Variants in GPHN observed in about 807,000 individuals in gnomAD.
GPHN encodes gephyrin.
Under a neutral mutation model 95.5 loss-of-function variants are expected in GPHN, and 17 were observed. The ratio of observed to expected loss-of-function variants is 0.18; its 90% CI spans 0.12 to 0.27. The LOEUF (loss-of-function observed/expected upper bound fraction) is 0.27, where lower values mean the gene tolerates loss of function less well. GPHN is among the 10% of genes least tolerant of loss of function. The probability of loss-of-function intolerance (pLI) is 1.00; values close to 1 mark genes in which losing one functional copy is unlikely to be tolerated. For missense variants in GPHN, 660 were observed against 978.1 expected (o/e 0.67, Z 4.34); for synonymous variants, 320 against 322.5 (o/e 0.99, Z 0.08).
chr14:67,032,638 T>G (rs2074244164), intron 10 of GPHN, among the ~76,000 whole-genome samples: 1 of 152,124 alleles, frequency 6.6e-6, no homozygotes, highest in Non-Finnish European at 1.5e-5. Context: ...AGCAAGAGAT[T>G]GCAAGCTCCT....
intron 1 of GPHN, among the ~76,000 whole-genome samples, chr14:66,616,603 C>T (rs1489628859): frequency 6.6e-6 from 1 of 152,126 alleles, no homozygotes; most frequent in Non-Finnish European, 1.5e-5. Context: ...CTTCTGGGAT[C>T]TCTGACCTTG....
intron 1 of GPHN, among the ~76,000 whole-genome samples, chr14:66,538,163 T>A (rs1371664381): frequency 6.6e-6 from 1 of 152,178 alleles, no homozygotes; most frequent in Non-Finnish European, 1.5e-5. Context: ...ACTTCAGATA[T>A]GTAATTCCTT....
In GPHN at chr14:67,181,061, G is replaced by C. The variant is rs1204760372; in HGVS notation, c.*124G>C. 3 of 810,902 alleles carry C rather than the reference G, an allele frequency of 3.7e-6. No homozygotes were observed. Among genetic ancestry groups the C allele is most frequent in the South Asian group, 1.5e-5 (1 of 65,422 alleles). The allele number at this position is 810,902 out of a possible 1,614,324, so 50.2% of individuals were successfully genotyped here. A position where few individuals can be genotyped will look rare whatever the true frequency, so the allele number is the denominator to read the frequency against. ...AGTTGATCTGTATAGTCAACATCTT[G>C]AACTATATTTCAAATGAATTTAAAT... On this transcript the variant is annotated 3_prime_UTR_variant, in exon 23 of 23. Transcript: ENST00000478722.
At chr14:67,570,073 C>A in the GPHN span, 1 of 1,150,714 alleles carries the variant, frequency 8.7e-7, no homozygotes, top group Non-Finnish European at 1.3e-6. Context: ...GCCTCATCAT[C>A]CAATGACTGG....
chr14:66,923,081 C>A lies in GPHN; in HGVS notation c.729+143C>A, dbSNP rs569748434. 3 of 722,674 alleles carry A rather than the reference C, an allele frequency of 4.2e-6. No homozygotes were observed. In the South Asian group the frequency reaches 4.5e-5, roughly 11 times the overall value. The allele number at this position is 722,674 out of a possible 1,614,324, so 44.8% of individuals were successfully genotyped here. A position where few individuals can be genotyped will look rare whatever the true frequency, so the allele number is the denominator to read the frequency against. The stretch of plus-strand genomic sequence containing the variant: ...AAATAAGTGGGATGTCCATGACACT[C>A]CACTACTATGTTTCCTTCTTGATAT... On this transcript the variant is annotated intron_variant, in intron 7 of 22. Transcript: ENST00000478722.
chr14:66,681,576 A>G (rs182674674), intron 2 of GPHN, among the ~76,000 whole-genome samples: 1 of 152,078 alleles, frequency 6.6e-6, no homozygotes, highest in African/African-American at 2.4e-5. Flanking sequence ...AATATAAAGT[A>G]GTTATTTGTT....
chr14:67,155,640 A>T (rs776663509), intron 18 of GPHN, among the ~76,000 whole-genome samples: 1 of 152,154 alleles, frequency 6.6e-6, no homozygotes, highest in Admixed American at 6.5e-5. Flanking sequence ...GACAAATGGG[A>T]TGTGGTGAAA....
At position 66,817,088 on chromosome 14, in the gene GPHN, C is replaced by T. The variant is rs573535678; in HGVS notation, c.202-7386C>T. ...CGAAAGTTTTCTTAAAAAGGGTATA[C>T]GATCTCTAATAACACCATAATATAC... On this transcript the variant is annotated intron_variant, in intron 3 of 22. Coordinates refer to ENST00000478722, the MANE Select transcript of GPHN (RefSeq NM_020806.5). Among the ~76,000 whole-genome samples the T allele has an allele frequency of 2.2e-4, 33 of 152,066 alleles. No homozygotes were observed. In the South Asian group the frequency reaches 2.7e-3, roughly 12 times the overall value.
At chr14:67,407,822 T>C in the GPHN span, among the ~76,000 whole-genome samples, 1 of 152,030 alleles carries the variant, frequency 6.6e-6, no homozygotes, top group Non-Finnish European at 1.5e-5. Flanking sequence ...AAAGCAGAGA[T>C]GCCAGCTGGG....
the GPHN span, among the ~76,000 whole-genome samples, chr14:67,257,063 G>C: frequency 1.3e-5 from 2 of 152,142 alleles, no homozygotes; most frequent in African/African-American, 4.8e-5. Context: ...TATGTACGTT[G>C]GTTTGATCCG....
At chr14:66,908,527 A>G (rs771501127) in intron 5 of GPHN, among the ~76,000 whole-genome samples, 1 of 152,142 alleles carries the variant, frequency 6.6e-6, no homozygotes, top group Non-Finnish European at 1.5e-5. Context: ...AATAATTTAT[A>G]TAGATGCTCC....
At chr14:66,973,322 T>A (rs1474825926) in intron 9 of GPHN, among the ~76,000 whole-genome samples, 1 of 152,194 alleles carries the variant, frequency 6.6e-6, no homozygotes, top group Non-Finnish European at 1.5e-5. Context: ...CAGACTTCAT[T>A]AAATTTTTGA....
intron 11 of GPHN, among the ~76,000 whole-genome samples, chr14:67,068,166 A>G (rs2076142754): frequency 1.3e-5 from 2 of 152,242 alleles, no homozygotes; most frequent in African/African-American, 4.8e-5. Flanking sequence ...CTTAACTCCC[A>G]GTCTGGTGTT....
the GPHN span, chr14:67,320,123 CAAT>C: frequency 1.1e-6 from 1 of 921,716 alleles, no homozygotes; most frequent in Non-Finnish European, 1.6e-6. Context: ...GATGTAATGA[CAAT>C]AAATTGTGCT....
chr14:67,185,552 TAGA>T (rs1567464411), downstream of GPHN, among the ~76,000 whole-genome samples: 1 of 152,230 alleles, frequency 6.6e-6, no homozygotes, highest in East Asian at 1.9e-4. Context: ...TAAAAGGCTA[TAGA>T]AGATGTTTTC....
intron 3 of GPHN, among the ~76,000 whole-genome samples, chr14:66,786,161 A>T (rs1200064029): frequency 6.6e-6 from 1 of 152,260 alleles, no homozygotes; most frequent in South Asian, 2.1e-4. Flanking sequence ...GCAAAGATAA[A>T]GGAGAAAGGG....
intron 1 of GPHN, among the ~76,000 whole-genome samples, chr14:66,605,229 C>T (rs2062465700): frequency 6.6e-6 from 1 of 151,940 alleles, no homozygotes; most frequent in South Asian, 2.1e-4. Context: ...AATGGGATGG[C>T]TGGGTCAAAC....
At chr14:67,300,725 G>A in the GPHN span, among the ~76,000 whole-genome samples, 57 of 152,070 alleles carry the variant, frequency 3.7e-4, no homozygotes, top group African/African-American at 1.3e-3. Context: ...TAACCAAGGG[G>A]AGTTTATCCT....
intron 1 of GPHN, among the ~76,000 whole-genome samples, chr14:66,516,307 C>T (rs1432703399): frequency 1.3e-5 from 2 of 151,878 alleles, no homozygotes; most frequent in African/African-American, 2.4e-5. Context: ...TGTGAGCCAC[C>T]GTGCCTGGCC....
Sources: gnomAD v4.1 joint callset for allele counts (sites outside exome capture counted in the v4.1 genomes callset) on GRCh38, gnomAD v4.1.1 for gene constraint, MANE v1.5 for transcripts, NCBI Gene and HGNC (gene_info 2026-07-23, HGNC 2026-07-21) for gene names.